PHF5A: variants seen among roughly 807,000 people sequenced by gnomAD.
The protein encoded by PHF5A is PHD finger protein 5A, also known as PHD finger-like domain-containing protein 5A.
For synonymous variants in PHF5A, 52 were observed against 46.0 expected, an observed-to-expected ratio of 1.13 and a Z score of -0.52; for missense variants, 24 against 140.6, an observed-to-expected ratio of 0.17 and a Z score of 4.19.
intron 1 of PHF5A, 97 bp from the exon 2 acceptor site, chr22:41,468,244 G>C (rs904270360): frequency 2.5e-6 from 3 of 1,209,262 alleles, no homozygotes; most frequent in Non-Finnish European, 3.6e-6. Context: ...CATGAGTAAG[G>C]ACTGCAGTGA....
At chr22:41,462,739 G>A (rs2037835502) in intron 3 of PHF5A, among the ~76,000 whole-genome samples, 1 of 152,132 alleles carries the variant, frequency 6.6e-6, no homozygotes, top group Non-Finnish European at 1.5e-5. Context: ...CTCCTCAGCT[G>A]CAAAAGAAGA....
chr22:41,460,714 C>T (rs995774910), intron 3 of PHF5A, among the ~76,000 whole-genome samples: 1 of 111,762 alleles, frequency 8.9e-6, no homozygotes, highest in Non-Finnish European at 2.2e-5. Context: ...TAGCGAGACC[C>T]CCATCTCTTG....
intron 3 of PHF5A, among the ~76,000 whole-genome samples, chr22:41,460,704 T>C (rs1040048457): frequency 1.4e-5 from 2 of 142,502 alleles, no homozygotes; most frequent in African/African-American, 5.2e-5. Flanking sequence ...GTAGGCAACA[T>C]AGCGAGACCC....
At chr22:41,461,096 C>A (rs185353318) in intron 3 of PHF5A, among the ~76,000 whole-genome samples, 2,634 of 152,098 alleles carry the variant, frequency 0.017, 34 homozygotes, top group Non-Finnish European at 0.03. Flanking sequence ...TCGTTTGAAC[C>A]CAGGAGGCGG....
At chr22:41,465,506 G>A (rs117960415) in intron 3 of PHF5A, among the ~76,000 whole-genome samples, 1 of 152,132 alleles carries the variant, frequency 6.6e-6, no homozygotes, top group Non-Finnish European at 1.5e-5. Flanking sequence ...CACTTACTGG[G>A]GGTAGGCAGG....
At chr22:41,462,171 T>C (rs898849231) in intron 3 of PHF5A, among the ~76,000 whole-genome samples, 11 of 152,160 alleles carry the variant, frequency 7.2e-5, no homozygotes, top group Non-Finnish European at 1.6e-4. Flanking sequence ...CTGTGTTATA[T>C]AGAAATGATG....
chr22:41,463,046 G>A (rs913688424), intron 3 of PHF5A, among the ~76,000 whole-genome samples: 12 of 151,602 alleles, frequency 7.9e-5, no homozygotes, highest in African/African-American at 2.2e-4. Flanking sequence ...GCTGGTTTTC[G>A]TATTTTTAGT....
At chr22:41,463,263 G>A (rs968191759) in intron 3 of PHF5A, among the ~76,000 whole-genome samples, 1 of 151,732 alleles carries the variant, frequency 6.6e-6, no homozygotes, top group African/African-American at 2.4e-5. Context: ...CCTTAGGGGT[G>A]CAATGATGAG....
rs1446074465 is a variant in PHF5A, at chr22:41,459,911, C to G, written c.*487G>C. 1 of 102,662 alleles carries G rather than the reference C, an allele frequency of 9.7e-6. No individual in the cohort carries two copies. 6.4% of individuals were successfully genotyped at this position (102,662 alleles called of 1,614,324 possible). On this transcript the variant is annotated 3_prime_UTR_variant, in exon 4 of 4. Transcript: ENST00000216252. ...GAGGGCAGAGCCCTGCCCCCCCACCCCCCCCCCAAAAAAAACGGGAAATGC... is the reference window on the plus strand; with the variant it reads ...GAGGGCAGAGCCCTGCCCCCCCACCGCCCCCCCAAAAAAAACGGGAAATGC...
At chr22:41,466,856 C>G (rs186152182) in intron 3 of PHF5A, among the ~76,000 whole-genome samples, 55 of 151,988 alleles carry the variant, frequency 3.6e-4, no homozygotes, top group African/African-American at 1.3e-3. Context: ...TATGGTGGCG[C>G]ATGCCTGTAG....
chr22:41,468,071 C>T (rs776864965), intron 2 of PHF5A, 53 bp downstream of exon 2: 80 of 1,603,908 alleles, frequency 5.0e-5, no homozygotes, highest in Non-Finnish European at 6.6e-5. Flanking sequence ...GCTGGTTCCA[C>T]AGAAAACTGG....
Position 41,468,140 on chromosome 22 carries a change from T to C in PHF5A, c.60A>G (p.Gly20=). ...TCCACTCACATTTTTCACACAGTCT[T>C]CCGATGGCTGCAAGATGAAAGATGG... ...FCRKQAGVAI[G]RLCEKCDGKC... Residue 20 remains glycine, a synonymous_variant, in exon 2 of 4, where the codon GGA becomes GGG. Coordinates refer to ENST00000216252, the MANE Select transcript of PHF5A (RefSeq NM_032758.4). 2.5e-6 allele frequency: 4 copies of C among 1,613,968 alleles called. No homozygotes were observed. The highest frequency in any genetic ancestry group is 3.4e-6 in the Non-Finnish European group (4 of 1,179,940).
rs951055697 is a variant in PHF5A, at chr22:41,459,764, A to T, written c.*634T>A. On this transcript the variant is annotated 3_prime_UTR_variant, in exon 4 of 4. Transcript: ENST00000216252. Reference sequence around the variant, plus strand: ...TTATTAATATAATAGCAACAGAAAGAGTTTCCAATTTCTCAAAAGGAAAAT... The same window carrying T: ...TTATTAATATAATAGCAACAGAAAGTGTTTCCAATTTCTCAAAAGGAAAAT... 19 of 152,048 alleles carry T rather than the reference A, an allele frequency of 1.2e-4. No individual in the cohort carries two copies. Among genetic ancestry groups the T allele is most frequent in the African/African-American group, 4.1e-4 (17 of 41,410 alleles). The allele number at this position is 152,048 out of a possible 1,614,324, so 9.4% of individuals were successfully genotyped here.
At chr22:41,460,672 T>A (rs955579613) in intron 3 of PHF5A, among the ~76,000 whole-genome samples, 185 bp from the exon 4 acceptor site, 3 of 150,138 alleles carry the variant, frequency 2.0e-5, no homozygotes, top group Non-Finnish European at 4.4e-5. Flanking sequence ...TGCCTGTGAA[T>A]AGCCAGCTAC....
intron 3 of PHF5A, 62 bp from the exon 4 acceptor site, chr22:41,460,549 A>G (rs1464512822): frequency 1.1e-5 from 15 of 1,402,042 alleles, no homozygotes; most frequent in Non-Finnish European, 1.4e-5. Context: ...GACTTAAGAT[A>G]AAAAATTTAA....
chr22:41,466,767 G>A (rs1331318880), intron 3 of PHF5A, among the ~76,000 whole-genome samples: 4 of 152,124 alleles, frequency 2.6e-5, no homozygotes, highest in Admixed American at 2.6e-4. Flanking sequence ...AAGGCAGGAG[G>A]ATCACTTGAG....
At chr22:41,465,861 CAA>C (rs1466967663) in intron 3 of PHF5A, among the ~76,000 whole-genome samples, 1 of 151,994 alleles carries the variant, frequency 6.6e-6, no homozygotes, top group Non-Finnish European at 1.5e-5. Flanking sequence ...GCCTGGACAA[CAA>C]GAGTGAAACT....
At chr22:41,467,644 C>T (rs1429406147) in intron 2 of PHF5A, 30 bp from the exon 3 acceptor site, 1 of 1,611,908 alleles carries the variant, frequency 6.2e-7, no homozygotes, top group East Asian at 2.2e-5. Flanking sequence ...GTCATGCTCA[C>T]AAGTTCTTCA....
At position 41,467,478 on chromosome 22, in the gene PHF5A, A is replaced by G. The variant is rs2037877608; in HGVS notation, c.213T>C (p.Tyr71=). 1.2e-5 allele frequency: 19 copies of G among 1,614,052 alleles called. No individual in the cohort carries two copies. The highest frequency in any genetic ancestry group is 1.5e-5 in the Non-Finnish European group (18 of 1,180,050). ...CGGPGVSDAY[Y]CKECTIQEKD... Reference sequence around the variant, plus strand: ...TCTCCTGGATGGTGCACTCCTTACAATAATAGGCATCAGAGACCCCAGGTC... The same window carrying G: ...TCTCCTGGATGGTGCACTCCTTACAGTAATAGGCATCAGAGACCCCAGGTC... Residue 71 remains tyrosine (Y), a synonymous_variant, in exon 3 of 4, where the codon TAT becomes TAC. Coordinates refer to ENST00000216252, the MANE Select transcript of PHF5A (RefSeq NM_032758.4).
Sources: allele counts gnomAD v4.1 joint callset (sites outside exome capture counted in the v4.1 genomes callset), GRCh38; gene constraint gnomAD v4.1.1; transcripts MANE v1.5; gene names NCBI Gene and HGNC (gene_info 2026-07-23, HGNC 2026-07-21).